The following OSBPL10 variants were observed in gnomAD, a reference collection of about 807,000 sequenced individuals.
OSBPL10 encodes the protein oxysterol binding protein like 10, also known as oxysterol-binding protein-related protein 10.
In OSBPL10, 49 loss-of-function variants were observed where a neutral mutation model predicts 81.7. That is an observed-to-expected ratio of 0.60 (90% confidence interval 0.48 to 0.76). The LOEUF is 0.76. OSBPL10 is among the 30% of genes least tolerant of loss of function. OSBPL10 has a pLI of 0.00. For synonymous variants in OSBPL10, 419 were observed against 383.6 expected (o/e 1.09, Z -1.08); for missense variants, 923 against 987.8 (o/e 0.93, Z 0.88).
rs569993709 is a variant in OSBPL10 at position 31,832,412 on chromosome 3, G to C, written c.538-2181C>G. ...TTTGCATAAAATTTACATTCTAATT[G>C]TTCCTATACTTCATCTCAGCTTGAG... is the stretch of plus-strand genomic sequence containing the variant. On this transcript the variant is annotated intron_variant, in intron 3 of 11. Coordinates refer to ENST00000396556, the MANE Select transcript of OSBPL10 (RefSeq NM_017784.5). Among the ~76,000 whole-genome samples, 4 of 152,120 alleles carry C rather than the reference G, an allele frequency of 2.6e-5. No homozygotes were observed. The East Asian group carries it at 5.8e-4, about 22-fold the overall frequency.
intron 1 of OSBPL10, among the ~76,000 whole-genome samples, chr3:31,880,086 C>A (rs1203505760): frequency 1.3e-5 from 2 of 152,218 alleles, no homozygotes; most frequent in South Asian, 4.2e-4. Context: ...GTGCCATGCC[C>A]ACACTTCACC....
At chr3:31,895,249 A>C (rs940398912) in intron 1 of OSBPL10, among the ~76,000 whole-genome samples, 1 of 147,832 alleles carries the variant, frequency 6.8e-6, no homozygotes, top group Non-Finnish European at 1.5e-5. Flanking sequence ...CTCCTACCTC[A>C]GCCTCCCGAG....
intron 1 of OSBPL10, among the ~76,000 whole-genome samples, chr3:31,882,935 T>C (rs145194298): frequency 2.7e-3 from 418 of 152,328 alleles, no homozygotes; most frequent in Non-Finnish European, 3.9e-3. Flanking sequence ...CCCTATTCTT[T>C]AATGTGGGGC....
intron 3 of OSBPL10, among the ~76,000 whole-genome samples, chr3:31,839,228 G>C (rs919750210): frequency 6.6e-6 from 1 of 152,164 alleles, no homozygotes; most frequent in East Asian, 1.9e-4. Flanking sequence ...ACAGGCAGAA[G>C]AGTCTGGAAA....
rs1696250510 is a variant in OSBPL10, at chr3:31,711,468, C to A, written c.1096-8960G>T. Among the ~76,000 whole-genome samples, 5 of 152,200 alleles carry A rather than the reference C, an allele frequency of 3.3e-5. No homozygotes were observed. In the South Asian group the frequency reaches 6.2e-4, roughly 19 times the overall value. ...AGGAATCCTAGCTAACTGAGGGTTTCATTTCTAGAATTCCAACACAAAGGG... is the reference window on the plus strand; with the variant it reads ...AGGAATCCTAGCTAACTGAGGGTTTAATTTCTAGAATTCCAACACAAAGGG... On this transcript the variant is annotated intron_variant, in intron 6 of 11. Transcript: ENST00000396556.
intron 6 of OSBPL10, among the ~76,000 whole-genome samples, chr3:31,732,415 A>T (rs1382255304): frequency 6.6e-6 from 1 of 152,248 alleles, no homozygotes; most frequent in African/African-American, 2.4e-5. Flanking sequence ...CTTATCAAAT[A>T]GATTTTGTAA....
rs1263281114 is a variant in OSBPL10 at position 31,887,173 on chromosome 3, T to C, written c.282-7343A>G. On this transcript the variant is annotated intron_variant, in intron 1 of 11. Transcript: ENST00000396556. The stretch of plus-strand genomic sequence containing the variant: ...TACACACTGATTCTTGAGGTTTCAG[T>C]AGCCTTCCAGGTCCCTCCTGTGCAC... Among the ~76,000 whole-genome samples, 5 of 152,282 alleles carry C rather than the reference T, an allele frequency of 3.3e-5. No individual in the cohort carries two copies. In the East Asian group the frequency reaches 5.8e-4, roughly 18 times the overall value.
chr3:31,748,157 G>C lies in OSBPL10; in HGVS notation c.730-37C>G, dbSNP rs200543974. ...GAAGACAGTAAGGAGGTGAGGGGCG[G>C]AAGTTCTTTCGACAGGCTGGGGAGG... is the stretch of plus-strand genomic sequence containing the variant. On this transcript the variant is annotated intron_variant, in intron 4 of 11. Coordinates refer to ENST00000396556, the MANE Select transcript of OSBPL10 (RefSeq NM_017784.5). 7.4e-5 allele frequency: 116 copies of C among 1,566,358 alleles called. No homozygotes were observed. The African/African-American group carries it at 1.4e-3, about 18-fold the overall frequency.
chr3:32,036,268 A>C (rs1425148677), intron 2 of OSBPL10, among the ~76,000 whole-genome samples: 1 of 152,140 alleles, frequency 6.6e-6, no homozygotes, highest in Admixed American at 6.6e-5. Context: ...GGCTGGTCTC[A>C]AACCTCTGGC....
chr3:31,811,305 C>T (rs1575560241), intron 4 of OSBPL10, among the ~76,000 whole-genome samples: 2 of 152,286 alleles, frequency 1.3e-5, no homozygotes, highest in Middle Eastern at 6.8e-3. Flanking sequence ...AGGGCGGGGC[C>T]CTTTGATGAG....
At chr3:31,672,281 G>T (rs1316467131) in intron 8 of OSBPL10, among the ~76,000 whole-genome samples, 2 of 146,738 alleles carry the variant, frequency 1.4e-5, no homozygotes, top group African/African-American at 5.0e-5. Flanking sequence ...TTTAAGAGAG[G>T]TTAAGTAATT....
chr3:31,683,947 CT>C lies in OSBPL10; in HGVS notation c.1412del (p.Lys471ArgfsTer4). 1 of 1,614,230 alleles carries C rather than the reference CT, an allele frequency of 6.2e-7. No homozygotes were observed. The highest frequency in any genetic ancestry group is 8.5e-7 in the Non-Finnish European group (1 of 1,180,052). The part of the protein sequence containing the change: ...YYLTAFHEGR[K>X]GALAKKPYNP... ...TGTAGGGCTTCTTGGCTAAAGCGCC[CT>C]TGCGGCCCTCGTGAAAGGCTGTGAG... On this transcript the variant is annotated frameshift_variant, in exon 8 of 12. Coordinates refer to ENST00000396556, the MANE Select transcript of OSBPL10 (RefSeq NM_017784.5). LOFTEE classifies it high-confidence loss of function.
At chr3:31,915,532 T>C (rs1342334208) in intron 1 of OSBPL10, among the ~76,000 whole-genome samples, 1 of 152,158 alleles carries the variant, frequency 6.6e-6, no homozygotes, top group African/African-American at 2.4e-5. Context: ...CCGCATATTC[T>C]CACTTATATG....
intron 7 of OSBPL10, among the ~76,000 whole-genome samples, chr3:31,692,532 C>T (rs538169038): frequency 1.3e-5 from 2 of 152,132 alleles, no homozygotes; most frequent in East Asian, 1.9e-4. Context: ...AGAGCAACCC[C>T]GAGACCACCT....
intron 4 of OSBPL10, among the ~76,000 whole-genome samples, chr3:31,821,208 A>C (rs4355319): frequency 6.6e-6 from 1 of 151,592 alleles, no homozygotes; most frequent in African/African-American, 2.4e-5. Flanking sequence ...GGTGGGGGAC[A>C]TATCTCGGTG....
At chr3:32,074,055 G>A (rs753466893) in intron 1 of OSBPL10, among the ~76,000 whole-genome samples, 1 of 152,014 alleles carries the variant, frequency 6.6e-6, no homozygotes, top group Non-Finnish European at 1.5e-5. Context: ...AAGAATTGTT[G>A]GCTATGCATT....
At chr3:31,707,308 A>C (rs543997101) in intron 6 of OSBPL10, 1 of 152,352 alleles carries the variant, frequency 6.6e-6, no homozygotes, top group Non-Finnish European at 1.5e-5. Context: ...TAAGTATCCA[A>C]TAAACAGACA....
chr3:31,830,279 A>G, intron 3 of OSBPL10, 48 bp from the exon 4 acceptor site: 2 of 1,544,266 alleles, frequency 1.3e-6, no homozygotes, highest in Non-Finnish European at 1.8e-6. Context: ...CCTGCAGAAC[A>G]CAACTAAGTG....
At chr3:31,683,092 CTTCA>C (rs1474862346) in intron 8 of OSBPL10, among the ~76,000 whole-genome samples, 1 of 152,220 alleles carries the variant, frequency 6.6e-6, no homozygotes, top group Non-Finnish European at 1.5e-5. Context: ...AATGAATAAA[CTTCA>C]TTCACAGCTA....
Sources: gnomAD v4.1 joint callset for allele counts (sites outside exome capture counted in the v4.1 genomes callset) on GRCh38, gnomAD v4.1.1 for gene constraint, MANE v1.5 for transcripts, NCBI Gene and HGNC (gene_info 2026-07-23, HGNC 2026-07-21) for gene names.